Variants in CYP2C19 observed in about 807,000 individuals in gnomAD.
The protein encoded by CYP2C19 is cytochrome P450 2C19.
Under a neutral mutation model 40.9 loss-of-function variants are expected in CYP2C19, and 59 were observed. That is an observed-to-expected ratio of 1.44 (90% CI 1.17 to 1.79). CYP2C19 has a LOEUF of 1.79. Ranked by LOEUF, CYP2C19 falls within the 40% of genes most tolerant of loss-of-function variation. The probability of loss-of-function intolerance (pLI) is 0.00; values close to 1 mark genes in which losing one functional copy is unlikely to be tolerated. For synonymous variants in CYP2C19, 253 were observed against 208.7 expected, an observed-to-expected ratio of 1.21 and a Z score of -1.83; for missense variants, 754 against 596.9, an observed-to-expected ratio of 1.26 and a Z score of -2.74.
chr10:94,842,378 G>GT (rs889865704), intron 6 of CYP2C19, among the ~76,000 whole-genome samples: 3 of 77,928 alleles, frequency 3.8e-5, no homozygotes, highest in East Asian at 4.5e-4. Flanking sequence ...GTCTATGTGT[G>GT]TTTTTTTAAG....
In CYP2C19 at chr10:94,839,364, C is replaced by T. The variant is rs187597953; in HGVS notation, c.962-3473C>T. On this transcript the variant is annotated intron_variant, in intron 6 of 8. Transcript: ENST00000371321. ...TGCTAATCGGATTACTTATGCTTAC[C>T]GATGTAGCAGTCCTGCAACTGTTTT... is the stretch of plus-strand genomic sequence containing the variant. Among the ~76,000 whole-genome samples, 450 of 152,236 alleles carry T rather than the reference C, an allele frequency of 3.0e-3. 1 individual carries two copies. The highest frequency in any genetic ancestry group is 4.2e-3 in the Non-Finnish European group (284 of 68,008).
chr10:94,837,052 G>A (rs933103352), intron 6 of CYP2C19, among the ~76,000 whole-genome samples: 5 of 150,718 alleles, frequency 3.3e-5, no homozygotes, highest in African/African-American at 9.8e-5. Context: ...TGCAGAAAAA[G>A]TCATCCTTAA....
intron 7 of CYP2C19, among the ~76,000 whole-genome samples, chr10:94,846,003 C>T (rs1849567992): frequency 6.6e-6 from 1 of 151,944 alleles, no homozygotes; most frequent in African/African-American, 2.4e-5. Context: ...ATGGTTTTCT[C>T]CTATATAATA....
intron 1 of CYP2C19, 85 bp downstream of exon 1, chr10:94,762,958 G>A: frequency 7.3e-7 from 1 of 1,369,596 alleles, no homozygotes; most frequent in South Asian, 1.2e-5. Flanking sequence ...GAGGTACAAT[G>A]TTACAAGAGA....
chr10:94,796,324 T>A (rs1041455924), intron 5 of CYP2C19, among the ~76,000 whole-genome samples: 4 of 152,194 alleles, frequency 2.6e-5, no homozygotes, highest in African/African-American at 9.6e-5. Flanking sequence ...GTGGTATTAT[T>A]TCTGAGGGCT....
At position 94,854,842 on chromosome 10, in the gene CYP2C19, TAA is replaced by T. The variant is rs17879099; in HGVS notation, c.*1929_*1930del. ...AACATAGGCAAATAATTCAGAGAGT[TAA>T]TAGAAGAGAAAGTGGAAATGGGTAT... On this transcript the variant is annotated 3_prime_UTR_variant, in exon 9 of 9. Coordinates refer to ENST00000371321, the MANE Select transcript of CYP2C19 (RefSeq NM_000769.4). Among the ~76,000 whole-genome samples the T allele has an allele frequency of 3.1e-3, 474 of 152,238 alleles. 3 individuals carry two copies. The highest frequency in any genetic ancestry group is 0.011 in the African/African-American group (451 of 41,546).
At chr10:94,804,951 T>C (rs940056861) in intron 5 of CYP2C19, among the ~76,000 whole-genome samples, 1 of 152,182 alleles carries the variant, frequency 6.6e-6, no homozygotes, top group Non-Finnish European at 1.5e-5. Flanking sequence ...ATTGTTTTCT[T>C]TGTGTATTGT....
In CYP2C19 at chr10:94,854,782, A is replaced by G. The variant is rs1389547449; in HGVS notation, c.*1868A>G. On this transcript the variant is annotated 3_prime_UTR_variant, in exon 9 of 9. Transcript: ENST00000371321. ...TATTAAAACTTGCTATTTTCCTACC[A>G]AGTAATATGCCAGCAAAACCTCTAA... Among the ~76,000 whole-genome samples, 1 of 152,168 alleles carries G rather than the reference A, an allele frequency of 6.6e-6. No individual in the cohort carries two copies. The highest frequency in any genetic ancestry group is 1.5e-5 in the Non-Finnish European group (1 of 68,024).
rs186492209 is a variant in CYP2C19 at position 94,849,480 on chromosome 10, T to A, written c.1150-437T>A. 8.4e-3 allele frequency among the ~76,000 whole-genome samples: 1,272 copies of A among 152,188 alleles called. 9 individuals are homozygous for A. The highest frequency in any genetic ancestry group is 0.024 in the African/African-American group (985 of 41,532). ...TCCTATAGGACTTTGGGATTTTTTT[T>A]AAATTTTATTATCATTATACTTTAA... is the stretch of plus-strand genomic sequence containing the variant. On this transcript the variant is annotated intron_variant, in intron 7 of 8. Coordinates refer to ENST00000371321, the MANE Select transcript of CYP2C19 (RefSeq NM_000769.4).
At chr10:94,817,496 T>G (rs920617521) in intron 5 of CYP2C19, among the ~76,000 whole-genome samples, 1 of 144,232 alleles carries the variant, frequency 6.9e-6, no homozygotes, top group African/African-American at 2.6e-5. Context: ...GTCAGATGAG[T>G]AGGTTGCGAA....
At chr10:94,787,378 T>C (rs1426544766) in intron 5 of CYP2C19, among the ~76,000 whole-genome samples, 1 of 152,136 alleles carries the variant, frequency 6.6e-6, no homozygotes, top group African/African-American at 2.4e-5. Context: ...AAGTACCTTA[T>C]AGATTCTCGC....
At chr10:94,807,098 T>A (rs1262620064) in intron 5 of CYP2C19, among the ~76,000 whole-genome samples, 1 of 152,138 alleles carries the variant, frequency 6.6e-6, no homozygotes, top group African/African-American at 2.4e-5. Context: ...TTCTGTGAGA[T>A]TAACTTTCTT....
intron 5 of CYP2C19, among the ~76,000 whole-genome samples, chr10:94,810,320 T>C (rs1193815116): frequency 2.0e-5 from 3 of 152,210 alleles, no homozygotes; most frequent in African/African-American, 7.2e-5. Context: ...TGGATGTTCA[T>C]CACGGATATT....
intron 5 of CYP2C19, among the ~76,000 whole-genome samples, chr10:94,795,056 C>T (rs1332904155): frequency 1.3e-5 from 2 of 151,528 alleles, no homozygotes; most frequent in Admixed American, 6.6e-5. Context: ...GCACAATGTG[C>T]AGGTTTGTTA....
At chr10:94,841,220 C>T (rs552490385) in intron 6 of CYP2C19, among the ~76,000 whole-genome samples, 76 of 152,274 alleles carry the variant, frequency 5.0e-4, no homozygotes, top group Non-Finnish European at 6.8e-4. Flanking sequence ...CCGTGGAACC[C>T]GGCAACTAGT....
intron 5 of CYP2C19, among the ~76,000 whole-genome samples, chr10:94,818,820 A>AT (rs1285230991): frequency 2.0e-5 from 3 of 151,164 alleles, no homozygotes; most frequent in Admixed American, 2.0e-4. Context: ...TAGATAAACA[A>AT]TCATGTCGTC....
chr10:94,830,092 T>C (rs535102151), intron 6 of CYP2C19, among the ~76,000 whole-genome samples: 3 of 152,122 alleles, frequency 2.0e-5, no homozygotes, highest in East Asian at 3.9e-4. Context: ...TCTGCAGAGG[T>C]TACTGCTGTC....
chr10:94,829,194 A>C (rs1849285507), intron 6 of CYP2C19, among the ~76,000 whole-genome samples: 1 of 152,064 alleles, frequency 6.6e-6, no homozygotes, highest in Non-Finnish European at 1.5e-5. Context: ...GTATTTCCTG[A>C]ATCTGAACGT....
chr10:94,763,543 TA>T (rs1848201543), intron 1 of CYP2C19, among the ~76,000 whole-genome samples: 1 of 152,138 alleles, frequency 6.6e-6, no homozygotes. Flanking sequence ...GATATGTGAA[TA>T]CACCTCATTG....
Sources: allele counts gnomAD v4.1 joint callset (sites outside exome capture counted in the v4.1 genomes callset), GRCh38; gene constraint gnomAD v4.1.1; transcripts MANE v1.5; gene names NCBI Gene and HGNC (gene_info 2026-07-23, HGNC 2026-07-21).